SAMMSON: variants seen among roughly 807,000 people sequenced by gnomAD.
SAMMSON encodes the protein survival associated mitochondrial melanoma specific oncogenic non-coding RNA.
At chr3:70,340,960 G>T (rs1013470906) in intron 7 of SAMMSON, among the ~76,000 whole-genome samples, 2 of 152,090 alleles carry the variant, frequency 1.3e-5, no homozygotes, top group Non-Finnish European at 2.9e-5. Context: ...AAGCCTTTCT[G>T]AGTCTGTTCC....
intron 4 of SAMMSON, among the ~76,000 whole-genome samples, chr3:70,209,183 G>A (rs1004656147): frequency 6.6e-6 from 1 of 152,098 alleles, no homozygotes; most frequent in Non-Finnish European, 1.5e-5. Context: ...ACTAAGAACA[G>A]CATCAATATT....
intron 7 of SAMMSON, among the ~76,000 whole-genome samples, chr3:70,297,567 A>T (rs1473033758): frequency 6.6e-6 from 1 of 152,162 alleles, no homozygotes; most frequent in African/African-American, 2.4e-5. Context: ...GTGGAGCAAT[A>T]TGTATATTTG....
At chr3:70,190,447 C>T (rs1054710875) in intron 4 of SAMMSON, among the ~76,000 whole-genome samples, 14 of 152,188 alleles carry the variant, frequency 9.2e-5, no homozygotes, top group Admixed American at 9.2e-4. Flanking sequence ...ATTGAAAGCT[C>T]ACTTCACAAT....
At chr3:70,423,855 A>G (rs1330478718) in intron 2 of SAMMSON, among the ~76,000 whole-genome samples, 1 of 152,162 alleles carries the variant, frequency 6.6e-6, no homozygotes, top group Non-Finnish European at 1.5e-5. Context: ...AATGTCAACA[A>G]TTTGGAAATG....
chr3:70,069,848 T>C (rs1163229347), intron 3 of SAMMSON: 1 of 152,104 alleles, frequency 6.6e-6, no homozygotes, highest in Non-Finnish European at 1.5e-5. Flanking sequence ...CTGTGAGATG[T>C]AGAGGCATTT....
intron 9 of SAMMSON, among the ~76,000 whole-genome samples, chr3:70,376,102 T>C (rs1387371416): frequency 6.6e-6 from 1 of 152,162 alleles, no homozygotes; most frequent in Non-Finnish European, 1.5e-5. Context: ...ATCTTTCATT[T>C]TCATACTGCA....
intron 4 of SAMMSON, among the ~76,000 whole-genome samples, chr3:70,122,263 G>A (rs546446611): frequency 1.3e-4 from 20 of 152,216 alleles, no homozygotes; most frequent in East Asian, 7.7e-4. Flanking sequence ...TGTGAGCCTG[G>A]CTCACTGCAG....
intron 6 of SAMMSON, among the ~76,000 whole-genome samples, chr3:70,260,608 C>T (rs1454544119): frequency 6.6e-6 from 1 of 152,036 alleles, no homozygotes; most frequent in Non-Finnish European, 1.5e-5. Context: ...TCTTTCCTTT[C>T]AGGTTCCCTA....
chr3:70,317,806 A>T (rs1024026163), intron 7 of SAMMSON, among the ~76,000 whole-genome samples: 3 of 151,780 alleles, frequency 2.0e-5, no homozygotes, highest in South Asian at 2.1e-4. Flanking sequence ...AGCCTAAAGA[A>T]TTTTCAGCAC....
chr3:70,399,162 G>A (rs1701115716), intron 2 of SAMMSON, among the ~76,000 whole-genome samples: 1 of 152,096 alleles, frequency 6.6e-6, no homozygotes, highest in African/African-American at 2.4e-5. Flanking sequence ...CCTTTTGCTG[G>A]TTGGCAAGCC....
At chr3:70,027,732 A>G (rs2067046681) in intron 3 of SAMMSON, among the ~76,000 whole-genome samples, 1 of 152,172 alleles carries the variant, frequency 6.6e-6, no homozygotes, top group Admixed American at 6.6e-5. Context: ...TAGAAGCCAT[A>G]CATCATCAGA....
intron 2 of SAMMSON, among the ~76,000 whole-genome samples, chr3:70,428,626 T>C (rs1475852113): frequency 6.6e-6 from 1 of 152,220 alleles, no homozygotes; most frequent in Non-Finnish European, 1.5e-5. Context: ...TATAGGACGC[T>C]AGCATAGAAT....
At chr3:70,324,920 CAAA>C (rs5849946) in intron 7 of SAMMSON, among the ~76,000 whole-genome samples, 2 of 134,882 alleles carry the variant, frequency 1.5e-5, no homozygotes, top group Non-Finnish European at 1.6e-5. Flanking sequence ...TGTAAATGGC[CAAA>C]AAAAAAAAAA....
chr3:70,255,685 C>T (rs951097314), intron 6 of SAMMSON, among the ~76,000 whole-genome samples: 1 of 152,086 alleles, frequency 6.6e-6, no homozygotes. Flanking sequence ...TCTTGAACTG[C>T]TGGGCTCAAG....
In SAMMSON at chr3:70,305,703, A is replaced by C. The variant is rs148295545; in HGVS notation, n.739+14460A>C. Among the ~76,000 whole-genome samples, 204 of 152,324 alleles carry C rather than the reference A, an allele frequency of 1.3e-3. 1 individual carries two copies. Among genetic ancestry groups the C allele is most frequent in the African/African-American group, 4.8e-3 (198 of 41,576 alleles). On this transcript the variant is annotated intron_variant and non_coding_transcript_variant, in intron 7 of 9. Coordinates refer to ENST00000642114, the Ensembl canonical transcript of SAMMSON. ...GAATTCTATTAATGTTCATGATCCA[A>C]AATTATTTTTTGAGGAAATGAAGTA... is the stretch of plus-strand genomic sequence containing the variant.
intron 4 of SAMMSON, among the ~76,000 whole-genome samples, chr3:70,240,146 A>T (rs1358561759): frequency 6.6e-6 from 1 of 152,120 alleles, no homozygotes; most frequent in Non-Finnish European, 1.5e-5. Context: ...TTAAAATAAG[A>T]GACGTATTTT....
At chr3:70,401,372 T>G (rs547507349) in intron 2 of SAMMSON, among the ~76,000 whole-genome samples, 2 of 152,292 alleles carry the variant, frequency 1.3e-5, no homozygotes, top group South Asian at 4.1e-4. Flanking sequence ...AATGCAAGTT[T>G]CAATTTAGGC....
intron 4 of SAMMSON, among the ~76,000 whole-genome samples, chr3:70,189,528 G>A (rs73116239): frequency 0.13 from 19,712 of 152,106 alleles, 1,599 homozygotes; most frequent in Non-Finnish European, 0.19. Context: ...TAGTCAGATG[G>A]GTTTTGCACT....
At chr3:70,226,178 G>A (rs959945338) in intron 4 of SAMMSON, among the ~76,000 whole-genome samples, 2 of 152,108 alleles carry the variant, frequency 1.3e-5, no homozygotes, top group African/African-American at 4.8e-5. Flanking sequence ...TCACTCATTC[G>A]ATAAACATTT....
Sources: gnomAD v4.1 joint callset for allele counts (sites outside exome capture counted in the v4.1 genomes callset) on GRCh38, gnomAD v4.1.1 for gene constraint, MANE v1.5 for transcripts, NCBI Gene and HGNC (gene_info 2026-07-23, HGNC 2026-07-21) for gene names.